The following CTIF variants were observed in gnomAD, a reference collection of about 807,000 sequenced individuals.
The protein encoded by CTIF is CBP80/20-dependent translation initiation factor.
In CTIF, 21 loss-of-function variants were observed where a neutral mutation model predicts 66.0. The observed-to-expected ratio is 0.32, with a 90% CI of 0.23 to 0.46. The LOEUF (loss-of-function observed/expected upper bound fraction) is 0.46. CTIF is among the 20% of genes least tolerant of loss of function. CTIF has a pLI of 1.00. For synonymous variants in CTIF, 345 were observed against 326.4 expected, an observed-to-expected ratio of 1.06 and a Z score of -0.62; for missense variants, 739 against 812.7, an observed-to-expected ratio of 0.91 and a Z score of 1.10.
intron 9 of CTIF, among the ~76,000 whole-genome samples, chr18:48,788,810 A>G (rs1354170517): frequency 6.6e-6 from 1 of 152,204 alleles, no homozygotes; most frequent in Non-Finnish European, 1.5e-5. Flanking sequence ...ACTTCTGTAC[A>G]GGGTGGGTGT....
chr18:48,823,519 A>G (rs1305660011), intron 10 of CTIF, among the ~76,000 whole-genome samples: 4 of 152,128 alleles, frequency 2.6e-5, no homozygotes, highest in African/African-American at 7.2e-5. Context: ...TCATTGGTCT[A>G]TATGCCTGTT....
chr18:48,681,313 G>A (rs568201945), intron 6 of CTIF, among the ~76,000 whole-genome samples: 43 of 152,320 alleles, frequency 2.8e-4, no homozygotes, highest in African/African-American at 1.0e-3. Flanking sequence ...CCCAGGCTGG[G>A]CCAGGGATCT....
chr18:48,787,752 A>G lies in CTIF; in HGVS notation c.1371+26063A>G, dbSNP rs554173348. Among the ~76,000 whole-genome samples, 26 of 152,278 alleles carry G rather than the reference A, an allele frequency of 1.7e-4. 1 individual carries two copies. In the South Asian group the frequency reaches 4.8e-3, roughly 28 times the overall value. On this transcript the variant is annotated intron_variant, in intron 9 of 11. Coordinates refer to ENST00000256413, the MANE Select transcript of CTIF (RefSeq NM_014772.3). Reference sequence around the variant, plus strand: ...GCTTCTCTTCCAAAGGGTGGTTTGCAGTGCAGATTCATGGCTCCCAGCTAG... The same window carrying G: ...GCTTCTCTTCCAAAGGGTGGTTTGCGGTGCAGATTCATGGCTCCCAGCTAG...
intron 7 of CTIF, among the ~76,000 whole-genome samples, chr18:48,738,165 G>A (rs1332736344): frequency 2.0e-5 from 3 of 152,120 alleles, no homozygotes; most frequent in South Asian, 4.1e-4. Flanking sequence ...CTCTCCACCC[G>A]CAGTGGACCA....
chr18:48,738,189 C>T (rs935200545), intron 7 of CTIF, among the ~76,000 whole-genome samples: 1 of 152,208 alleles, frequency 6.6e-6, no homozygotes, highest in Non-Finnish European at 1.5e-5. Flanking sequence ...GCAGTTCCTG[C>T]GGGTCCCATC....
At chr18:48,711,580 G>T in intron 6 of CTIF, 39 bp from the exon 7 acceptor site, 1 of 1,539,102 alleles carries the variant, frequency 6.5e-7, no homozygotes. Context: ...TCTCTTTCAG[G>T]AGTTACTAAT....
At chr18:48,734,173 A>G (rs1385436850) in intron 7 of CTIF, among the ~76,000 whole-genome samples, 2 of 152,040 alleles carry the variant, frequency 1.3e-5, no homozygotes, top group African/African-American at 4.8e-5. Flanking sequence ...GTCCCCACCC[A>G]CTTCCCCTGG....
At chr18:48,617,059 A>T (rs2090413087) in intron 1 of CTIF, among the ~76,000 whole-genome samples, 1 of 152,220 alleles carries the variant, frequency 6.6e-6, no homozygotes, top group Non-Finnish European at 1.5e-5. Flanking sequence ...AGCCAAGTTG[A>T]ATTCTTAGCT....
At chr18:48,655,961 A>T (rs1598813150) in intron 3 of CTIF, among the ~76,000 whole-genome samples, 1 of 152,234 alleles carries the variant, frequency 6.6e-6, no homozygotes, top group Non-Finnish European at 1.5e-5. Flanking sequence ...AGCAGCTAGA[A>T]GATTTGTTGT....
chr18:48,695,164 C>G (rs1187485788), intron 6 of CTIF, among the ~76,000 whole-genome samples: 2 of 152,224 alleles, frequency 1.3e-5, no homozygotes, highest in East Asian at 1.9e-4. Flanking sequence ...TGGCACAACC[C>G]AGTTACAGCA....
chr18:48,602,200 CA>C (rs2090102725), intron 1 of CTIF, among the ~76,000 whole-genome samples: 1 of 152,172 alleles, frequency 6.6e-6, no homozygotes, highest in African/African-American at 2.4e-5. Flanking sequence ...AAGGTGTCTA[CA>C]AAAGGGTCTC....
chr18:48,748,301 A>G (rs1237165250), intron 7 of CTIF, among the ~76,000 whole-genome samples: 1 of 151,988 alleles, frequency 6.6e-6, no homozygotes, highest in Non-Finnish European at 1.5e-5. Flanking sequence ...GTGTGCCCCC[A>G]GCAGGTGGGG....
chr18:48,760,621 G>A (rs1199108271), intron 8 of CTIF: 1 of 152,116 alleles, frequency 6.6e-6, no homozygotes, highest in African/African-American at 2.4e-5. Context: ...CAGTTAAGTT[G>A]TTCCCATTCT....
chr18:48,785,857 C>T (rs7231111), intron 9 of CTIF, among the ~76,000 whole-genome samples: 15,332 of 152,198 alleles, frequency 0.1, 1,020 homozygotes, highest in African/African-American at 0.18. Flanking sequence ...GTAGGACCCC[C>T]GCATCAACAT....
At chr18:48,821,205 T>C (rs1204906994) in intron 10 of CTIF, among the ~76,000 whole-genome samples, 1 of 152,230 alleles carries the variant, frequency 6.6e-6, no homozygotes, top group African/African-American at 2.4e-5. Flanking sequence ...CCTGGAAGTG[T>C]CCTCTGTCCT....
intron 1 of CTIF, among the ~76,000 whole-genome samples, chr18:48,602,003 T>C (rs530265293): frequency 6.6e-5 from 10 of 152,244 alleles, no homozygotes; most frequent in Non-Finnish European, 1.5e-4. Flanking sequence ...CACATCTTAA[T>C]GTTTCTTAAA....
intron 9 of CTIF, among the ~76,000 whole-genome samples, chr18:48,770,523 G>C (rs1002305224): frequency 6.6e-6 from 1 of 152,276 alleles, no homozygotes; most frequent in Non-Finnish European, 1.5e-5. Flanking sequence ...CCCGTGAAAA[G>C]TGGCCATTGC....
chr18:48,766,841 C>T (rs1258038037), intron 9 of CTIF, among the ~76,000 whole-genome samples: 1 of 72,404 alleles, frequency 1.4e-5, no homozygotes, highest in Non-Finnish European at 3.4e-5. Context: ...TTGTCATCAC[C>T]CTGAACCTCC....
chr18:48,641,421 G>A (rs77640945), intron 3 of CTIF, among the ~76,000 whole-genome samples: 2,972 of 152,354 alleles, frequency 0.02, 65 homozygotes, highest in African/African-American at 0.051. Flanking sequence ...ATCTTTGCTA[G>A]GAACCTGATG....
Sources: gnomAD v4.1 joint callset for allele counts (sites outside exome capture counted in the v4.1 genomes callset) on GRCh38, gnomAD v4.1.1 for gene constraint, MANE v1.5 for transcripts, NCBI Gene and HGNC (gene_info 2026-07-23, HGNC 2026-07-21) for gene names.